The following PRKCG variants were observed in gnomAD, a reference collection of about 807,000 sequenced individuals.
The protein encoded by PRKCG is protein kinase C gamma, also known as protein kinase C gamma type.
A neutral mutation model predicts 82.0 loss-of-function variants in PRKCG; 28 were observed. That is an observed-to-expected ratio of 0.34 (90% confidence interval 0.25 to 0.47). PRKCG has a LOEUF of 0.47. Among genes scored for constraint, PRKCG ranks in the 20% least tolerant of loss-of-function variants. The pLI is 1.00. For missense variants in PRKCG, 640 were observed against 952.7 expected (o/e 0.67, Z 4.32); for synonymous variants, 383 against 376.6 (o/e 1.02, Z -0.20).
Position 53,900,233 on chromosome 19 carries a change from G to A in PRKCG, c.1282G>A (p.Asp428Asn). The change falls in exon 12 of 18, where the codon GAC becomes AAC. Residue 428 changes from aspartate (D) to asparagine (N), a missense_variant and splice_region_variant. Transcript: ENST00000263431. The surrounding 1 kb of genome is among the most constrained non-coding windows in gnomAD (Gnocchi z 4.2). ...TQLHSTFQTP[D>N]RLYFVMEYVT... ...TCTAAGCCCATGCACTTCTCCGCAG[G>A]ACCGCCTGTATTTCGTGATGGAGTA... 1 of 1,613,966 alleles carries A rather than the reference G, an allele frequency of 6.2e-7. No individual in the cohort carries two copies. The highest frequency in any genetic ancestry group is 8.5e-7 in the Non-Finnish European group (1 of 1,179,912).
At chr19:53,906,561 C>T in intron 17 of PRKCG, 104 bp downstream of exon 17, 1 of 1,563,606 alleles carries the variant, frequency 6.4e-7, no homozygotes, top group East Asian at 2.3e-5. Context: ...CTGCAGAGCC[C>T]CCCGCCCCCA....
intron 9 of PRKCG, among the ~76,000 whole-genome samples, chr19:53,895,761 T>G (rs1304439331): frequency 2.0e-5 from 3 of 152,102 alleles, no homozygotes; most frequent in Non-Finnish European, 4.4e-5. Flanking sequence ...AAAGTTAAGT[T>G]TGAGAATGGG....
At position 53,904,826 on chromosome 19, in the gene PRKCG, C is replaced by A. The variant is rs567250647; in HGVS notation, c.1764+84C>A. On this transcript the variant is annotated intron_variant, in intron 16 of 17. Coordinates refer to ENST00000263431, the MANE Select transcript of PRKCG (RefSeq NM_002739.5). ...CTCTGTGCCTATTAGAAAAATGCTC[C>A]CATTCCTGAAGTCACTTTACTTCCA... is the stretch of plus-strand genomic sequence containing the variant. 8.0e-6 allele frequency: 9 copies of A among 1,128,652 alleles called. No individual in the cohort carries two copies. In the African/African-American group the frequency reaches 1.1e-4, roughly 13 times the overall value. 69.9% of individuals were successfully genotyped at this position (1,128,652 alleles called of 1,614,324 possible). A position where few individuals can be genotyped will look rare whatever the true frequency, so the allele number is the denominator to read the frequency against.
chr19:53,890,813 A>G (rs144076990), intron 5 of PRKCG, among the ~76,000 whole-genome samples: 2,620 of 146,708 alleles, frequency 0.018, 87 homozygotes, highest in African/African-American at 0.061. Context: ...GTGCAGTAGC[A>G]TGATCTCAGC....
chr19:53,895,797 C>T (rs1385352263), intron 9 of PRKCG, among the ~76,000 whole-genome samples: 2 of 151,758 alleles, frequency 1.3e-5, no homozygotes, highest in African/African-American at 4.8e-5. Flanking sequence ...CAGTGGCTCA[C>T]GCCTGTCATC....
At chr19:53,895,095 G>A (rs1166833130) in intron 9 of PRKCG, among the ~76,000 whole-genome samples, 1 of 152,124 alleles carries the variant, frequency 6.6e-6, no homozygotes, top group Non-Finnish European at 1.5e-5. Flanking sequence ...TGCCAGGCGT[G>A]GCTCTACTCA....
intron 17 of PRKCG, 113 bp downstream of exon 17, chr19:53,906,570 C>A: frequency 6.4e-7 from 1 of 1,564,432 alleles, no homozygotes. Flanking sequence ...CCCCCGCCCC[C>A]AACAAAAGGA....
chr19:53,907,333 A>C lies in PRKCG; in HGVS notation c.*438A>C, dbSNP rs917265935. 2.0e-5 allele frequency: 5 copies of C among 246,324 alleles called. No individual in the cohort carries two copies. Among genetic ancestry groups the C allele is most frequent in the East Asian group, 1.1e-4 (1 of 9,098 alleles). The allele number at this position is 246,324 out of a possible 1,614,324, so 15.3% of individuals were successfully genotyped here. Reference sequence around the variant, plus strand: ...TCGGCCTCCGAGGCTCCCCGCCTCCACTCTAGTTCTAGATGAGTGGGAGGC... The same window carrying C: ...TCGGCCTCCGAGGCTCCCCGCCTCCCCTCTAGTTCTAGATGAGTGGGAGGC... On this transcript the variant is annotated 3_prime_UTR_variant, in exon 18 of 18. Coordinates refer to ENST00000263431, the MANE Select transcript of PRKCG (RefSeq NM_002739.5).
rs1365634675 is a variant in PRKCG, at chr19:53,906,422, C to A, written c.1870C>A (p.Arg624=). 3.2e-6 allele frequency: 5 copies of A among 1,573,346 alleles called. No individual in the cohort carries two copies. The change falls in exon 17 of 18, where the codon CGA becomes AGA. Residue 624 remains arginine, a synonymous_variant. Coordinates refer to ENST00000263431, the MANE Select transcript of PRKCG (RefSeq NM_002739.5). ...CTGGATTGACTGGGAGCGGCTGGAACGATTGGAGATCCCGCCTCCTTTCAG... is the reference window on the plus strand; with the variant it reads ...CTGGATTGACTGGGAGCGGCTGGAAAGATTGGAGATCCCGCCTCCTTTCAG... ...FRWIDWERLE[R]LEIPPPFRPR... is the part of the protein sequence containing the mutation.
chr19:53,898,174 C>T, intron 10 of PRKCG, 63 bp downstream of exon 10: 1 of 1,587,268 alleles, frequency 6.3e-7, no homozygotes, highest in Non-Finnish European at 8.6e-7. Context: ...ATTTCTGGTT[C>T]TTAGGGAGGA....
At chr19:53,901,729 A>G (rs1157430357) in intron 14 of PRKCG, among the ~76,000 whole-genome samples, 1 of 150,766 alleles carries the variant, frequency 6.6e-6, no homozygotes, top group East Asian at 2.0e-4. Context: ...GGGTGCCTGT[A>G]GTCCCAGCTA....
In PRKCG at chr19:53,891,840, G is replaced by A; in HGVS notation, c.686+10G>A. On this transcript the variant is annotated intron_variant, in intron 6 of 17. Coordinates refer to ENST00000263431, the MANE Select transcript of PRKCG (RefSeq NM_002739.5). ...ATGAGACCTTTGTGTTGTGAGTCTGGGGTGCAGGGAAGGCAATGACAGCTG... is the reference window on the plus strand; with the variant it reads ...ATGAGACCTTTGTGTTGTGAGTCTGAGGTGCAGGGAAGGCAATGACAGCTG... 6.2e-7 allele frequency: 1 copy of A among 1,614,004 alleles called. No individual in the cohort carries two copies. Among genetic ancestry groups the A allele is most frequent in the Non-Finnish European group, 8.5e-7 (1 of 1,179,938 alleles).
At chr19:53,891,515 C>G (rs1416929302) in intron 5 of PRKCG, among the ~76,000 whole-genome samples, 159 bp from the exon 6 acceptor site, 1 of 151,644 alleles carries the variant, frequency 6.6e-6, no homozygotes, top group Non-Finnish European at 1.5e-5. Flanking sequence ...ATCTCCTGAC[C>G]TTGTGATCCG....
Position 53,884,618 on chromosome 19 carries a change from G to A in PRKCG, c.285+375G>A, listed in dbSNP as rs1270777977. Among the ~76,000 whole-genome samples, 1 of 152,114 alleles carries A rather than the reference G, an allele frequency of 6.6e-6. No homozygotes were observed. The highest frequency in any genetic ancestry group is 2.4e-5 in the African/African-American group (1 of 41,416). On this transcript the variant is annotated intron_variant, in intron 3 of 17. Transcript: ENST00000263431. This position sits in a 1 kb window ranked among gnomAD's most constrained non-coding sequence, Gnocchi z 4.6. ...TAAGACAGAGGGAATCTCAGGGAGA[G>A]GAACAGAGACAGAAGAAGACAGAGA... is the stretch of plus-strand genomic sequence containing the variant.
At chr19:53,905,377 T>A (rs1287047472) in intron 16 of PRKCG, among the ~76,000 whole-genome samples, 1 of 134,124 alleles carries the variant, frequency 7.5e-6, no homozygotes, top group Non-Finnish European at 1.6e-5. Flanking sequence ...CTGTGTCCAC[T>A]CTCATACACA....
At chr19:53,886,344 T>G (rs969030734) in intron 3 of PRKCG, among the ~76,000 whole-genome samples, 16 of 152,162 alleles carry the variant, frequency 1.1e-4, no homozygotes, top group African/African-American at 3.9e-4. Flanking sequence ...CCTCACGTGA[T>G]CCACCCACCT....
rs529288034 is a variant in PRKCG at position 53,884,684 on chromosome 19, G to T, written c.285+441G>T. Among the ~76,000 whole-genome samples the T allele has an allele frequency of 7.2e-4, 109 of 152,052 alleles. No homozygotes were observed. Among genetic ancestry groups the T allele is most frequent in the African/African-American group, 2.3e-3 (94 of 41,464 alleles). On this transcript the variant is annotated intron_variant, in intron 3 of 17. Transcript: ENST00000263431. The surrounding 1 kb of genome is among the most constrained non-coding windows in gnomAD (Gnocchi z 4.6). ...AGCTGAGGCAGAGAGAGAGAGAGATGGAGCAGAGAAAGAACCAGGGAGAAA... is the reference window on the plus strand; with the variant it reads ...AGCTGAGGCAGAGAGAGAGAGAGATTGAGCAGAGAAAGAACCAGGGAGAAA...
chr19:53,906,596 A>C, intron 17 of PRKCG, 111 bp from the exon 18 acceptor site: 1 of 1,549,374 alleles, frequency 6.5e-7, no homozygotes, highest in Non-Finnish European at 8.9e-7. Context: ...AGACACCATG[A>C]AGCATGAATA....
chr19:53,882,769 C>T lies in PRKCG; in HGVS notation c.170+105C>T, dbSNP rs2068602843. On this transcript the variant is annotated intron_variant, in intron 1 of 17. Coordinates refer to ENST00000263431, the MANE Select transcript of PRKCG (RefSeq NM_002739.5). The surrounding 1 kb of genome is among the most constrained non-coding windows in gnomAD (Gnocchi z 6.1). ...AAGAAGGAGGGGGCTGTAGTCCCGA[C>T]TCCCAGGTTCTAGGATGGCCAGGGA... 9 of 1,445,018 alleles carry T rather than the reference C, an allele frequency of 6.2e-6. No individual in the cohort carries two copies. Among genetic ancestry groups the T allele is most frequent in the African/African-American group, 1.4e-5 (1 of 70,572 alleles). 89.5% of individuals were successfully genotyped at this position (1,445,018 alleles called of 1,614,324 possible).
Sources: allele counts gnomAD v4.1 joint callset (sites outside exome capture counted in the v4.1 genomes callset), GRCh38; gene constraint gnomAD v4.1.1; non-coding constraint Gnocchi (gnomAD v3.1); transcripts MANE v1.5; gene names NCBI Gene and HGNC (gene_info 2026-07-23, HGNC 2026-07-21).